VPS54: variants seen among roughly 807,000 people sequenced by gnomAD.
The protein encoded by VPS54 is vacuolar protein sorting-associated protein 54.
A neutral mutation model predicts 121.5 loss-of-function variants in VPS54; 45 were observed. The observed-to-expected ratio is 0.37, with a 90% CI of 0.29 to 0.47. The LOEUF (loss-of-function observed/expected upper bound fraction) is 0.47. VPS54 is among the 20% of genes least tolerant of loss of function. The pLI is 0.99. For missense variants in VPS54, 1,090 were observed against 1,131.4 expected (o/e 0.96, Z 0.52); for synonymous variants, 371 against 385.8 (o/e 0.96, Z 0.45).
chr2:63,940,797 G>A (rs770654237), intron 11 of VPS54, among the ~76,000 whole-genome samples: 1 of 152,182 alleles, frequency 6.6e-6, no homozygotes, highest in Non-Finnish European at 1.5e-5. Flanking sequence ...AACTAGACAT[G>A]CAATAATTGA....
chr2:63,944,691 T>C, intron 9 of VPS54, 36 bp from the exon 10 acceptor site: 1 of 1,524,000 alleles, frequency 6.6e-7, no homozygotes, highest in East Asian at 2.3e-5. Flanking sequence ...ACAATTTGAT[T>C]AATTGTCTTT....
intron 5 of VPS54, among the ~76,000 whole-genome samples, chr2:63,968,483 G>C (rs947823091): frequency 6.6e-6 from 1 of 151,114 alleles, no homozygotes. Flanking sequence ...AGGCTGAGGT[G>C]GACGGATCAC....
intron 1 of VPS54, among the ~76,000 whole-genome samples, chr2:63,999,227 G>A (rs561848136): frequency 4.8e-4 from 73 of 152,288 alleles, no homozygotes; most frequent in Admixed American, 2.4e-3. Context: ...CAGGATTACC[G>A]GTGTGAGCCA....
At chr2:63,947,542 C>T in intron 8 of VPS54, 52 bp from the exon 9 acceptor site, 1 of 1,315,624 alleles carries the variant, frequency 7.6e-7, no homozygotes. Context: ...AGTAATTTTA[C>T]TTAGAGGTAG....
chr2:63,901,157 T>A (rs537447008), intron 20 of VPS54, among the ~76,000 whole-genome samples: 312 of 152,324 alleles, frequency 2.0e-3, no homozygotes, highest in Non-Finnish European at 2.6e-3. Context: ...TACTTTTATT[T>A]AAAATTTAGA....
chr2:63,949,458 T>C (rs1290685310), intron 7 of VPS54, among the ~76,000 whole-genome samples: 1 of 152,186 alleles, frequency 6.6e-6, no homozygotes, highest in African/African-American at 2.4e-5. Context: ...ATTTAACTAA[T>C]AGCTTATGTT....
intron 12 of VPS54, among the ~76,000 whole-genome samples, chr2:63,926,020 A>G (rs1051522717): frequency 6.6e-6 from 1 of 152,262 alleles, no homozygotes; most frequent in African/African-American, 2.4e-5. Context: ...AATACAAATG[A>G]TACTTGAAGA....
At chr2:63,992,669 G>A (rs1677384812) in intron 1 of VPS54, among the ~76,000 whole-genome samples, 1 of 152,138 alleles carries the variant, frequency 6.6e-6, no homozygotes, top group South Asian at 2.1e-4. Context: ...ATTCTCCTGT[G>A]TTTCTAGTAA....
chr2:63,986,099 AGTAG>A (rs1677038273), intron 1 of VPS54, among the ~76,000 whole-genome samples: 3 of 152,226 alleles, frequency 2.0e-5, no homozygotes, highest in African/African-American at 7.2e-5. Context: ...GTGAGTACAC[AGTAG>A]GTATTTATCC....
intron 1 of VPS54, among the ~76,000 whole-genome samples, chr2:63,993,575 C>T (rs745812827): frequency 6.6e-6 from 1 of 152,118 alleles, no homozygotes; most frequent in African/African-American, 2.4e-5. Flanking sequence ...TGGACAGACT[C>T]GGTGTAGAAT....
At chr2:63,963,720 G>A (rs1183672998) in intron 6 of VPS54, among the ~76,000 whole-genome samples, 1 of 151,924 alleles carries the variant, frequency 6.6e-6, no homozygotes, top group South Asian at 2.1e-4. Flanking sequence ...TCTTCAATAT[G>A]GCTGTTCATT....
chr2:63,902,686 A>G (rs1445598405), intron 20 of VPS54, among the ~76,000 whole-genome samples: 2 of 152,196 alleles, frequency 1.3e-5, no homozygotes, highest in Non-Finnish European at 2.9e-5. Flanking sequence ...ATAACTGATT[A>G]GGCCGGGCAC....
chr2:63,996,082 G>C (rs546912865), intron 1 of VPS54, among the ~76,000 whole-genome samples: 2 of 152,244 alleles, frequency 1.3e-5, no homozygotes, highest in Non-Finnish European at 2.9e-5. Context: ...AAAATCGAGA[G>C]AACAAGCCTT....
intron 7 of VPS54, among the ~76,000 whole-genome samples, chr2:63,954,765 A>C (rs1388838025): frequency 6.6e-6 from 1 of 152,108 alleles, no homozygotes; most frequent in Non-Finnish European, 1.5e-5. Flanking sequence ...ACTATCAATT[A>C]CAGAGAATAT....
intron 11 of VPS54, among the ~76,000 whole-genome samples, chr2:63,935,566 C>T (rs1166577504): frequency 6.6e-6 from 1 of 152,098 alleles, no homozygotes; most frequent in Non-Finnish European, 1.5e-5. Flanking sequence ...CATGACAGAC[C>T]TATCCAACAT....
At chr2:63,942,386 G>C (rs1674784746) in intron 11 of VPS54, 79 bp downstream of exon 11, 3 of 965,378 alleles carry the variant, frequency 3.1e-6, no homozygotes, top group Non-Finnish European at 4.4e-6. Flanking sequence ...TCTAGTTTGA[G>C]TCTTTATTTA....
At chr2:63,893,766 C>G (rs1575873469) in intron 22 of VPS54, among the ~76,000 whole-genome samples, 1 of 152,138 alleles carries the variant, frequency 6.6e-6, no homozygotes, top group Non-Finnish European at 1.5e-5. Flanking sequence ...CTGTTAGAGT[C>G]AGTTTCATGA....
intron 8 of VPS54, 44 bp from the exon 9 acceptor site, chr2:63,947,534 T>C: frequency 7.4e-7 from 1 of 1,343,938 alleles, no homozygotes; most frequent in Non-Finnish European, 1.0e-6. Flanking sequence ...AAATATGAAG[T>C]AATTTTACTT....
intron 20 of VPS54, among the ~76,000 whole-genome samples, chr2:63,899,917 G>A (rs1356097156): frequency 1.3e-5 from 2 of 152,078 alleles, no homozygotes; most frequent in East Asian, 3.9e-4. Context: ...TATCCCAAAG[G>A]GCTGCTGTGA....
Sources: allele counts gnomAD v4.1 joint callset (sites outside exome capture counted in the v4.1 genomes callset), GRCh38; gene constraint gnomAD v4.1.1; transcripts MANE v1.5; gene names NCBI Gene and HGNC (gene_info 2026-07-23, HGNC 2026-07-21).